The following INTS12 variants were observed in gnomAD, a reference collection of about 807,000 sequenced individuals.
INTS12 encodes the protein PHD finger protein 22.
In INTS12, 13 loss-of-function variants were observed where a neutral mutation model predicts 41.6. The observed-to-expected ratio is 0.31, with a 90% CI of 0.20 to 0.50. The LOEUF (loss-of-function observed/expected upper bound fraction) is 0.50, where lower values mean the gene tolerates loss of function less well. INTS12 is among the 20% of genes least tolerant of loss of function. INTS12 has a pLI of 0.98. For synonymous variants in INTS12, 199 were observed against 191.4 expected, an observed-to-expected ratio of 1.04 and a Z score of -0.33; for missense variants, 432 against 541.6, an observed-to-expected ratio of 0.80 and a Z score of 2.01.
chr4:105,695,472 C>T lies in INTS12; in HGVS notation c.309+44G>A, dbSNP rs200134002. The T allele has an allele frequency of 1.6e-4, 234 of 1,481,576 alleles. 1 individual carries two copies. Among genetic ancestry groups the T allele is most frequent in the Non-Finnish European group, 3.6e-5 (39 of 1,083,848 alleles). The allele number at this position is 1,481,576 out of a possible 1,614,324, so 91.8% of individuals were successfully genotyped here. ...ACATTGTTTCTTTCTGCTTATGGAA[C>T]AACTAATTTACTTTCTTTTAACAAG... is the stretch of plus-strand genomic sequence containing the variant. On this transcript the variant is annotated intron_variant, in intron 4 of 7. Coordinates refer to ENST00000340139, the MANE Select transcript of INTS12 (RefSeq NM_020395.4).
At chr4:105,703,119 A>C in intron 2 of INTS12, 2 of 553,132 alleles carry the variant, frequency 3.6e-6, no homozygotes, top group Non-Finnish European at 4.6e-6. Flanking sequence ...CCATGGCCAA[A>C]ACAGACTGCA....
chr4:105,685,972 GA>G (rs200401019), intron 7 of INTS12, among the ~76,000 whole-genome samples: 3 of 151,544 alleles, frequency 2.0e-5, no homozygotes, highest in Admixed American at 1.3e-4. Flanking sequence ...TAAGAAGGGA[GA>G]AAAAAAAATT....
intron 2 of INTS12, among the ~76,000 whole-genome samples, chr4:105,703,263 G>T (rs1474118947): frequency 2.0e-5 from 3 of 152,144 alleles, no homozygotes; most frequent in Admixed American, 2.0e-4. Context: ...AGTAGATGTT[G>T]CTTTCAAAAA....
intron 7 of INTS12, among the ~76,000 whole-genome samples, chr4:105,684,024 T>C (rs151227498): frequency 6.6e-6 from 1 of 152,296 alleles, no homozygotes; most frequent in Non-Finnish European, 1.5e-5. Flanking sequence ...TGTAAGAGTC[T>C]CCTGCTCCTT....
intron 6 of INTS12, among the ~76,000 whole-genome samples, chr4:105,689,676 G>A (rs1043776591): frequency 1.3e-5 from 2 of 152,100 alleles, no homozygotes; most frequent in Non-Finnish European, 2.9e-5. Context: ...GCCGAGGCAG[G>A]AGGATCACTT....
At chr4:105,708,048 C>T (rs1450977907) in intron 1 of INTS12, 2 of 985,340 alleles carry the variant, frequency 2.0e-6, no homozygotes, top group Non-Finnish European at 2.4e-6. Context: ...CTTTGTTCTT[C>T]ATGACTTCGC....
At chr4:105,707,488 C>T (rs919072929) in intron 1 of INTS12, among the ~76,000 whole-genome samples, 20 of 152,130 alleles carry the variant, frequency 1.3e-4, no homozygotes, top group Non-Finnish European at 2.9e-4. Context: ...GGTCTTATCT[C>T]TCCTTCTACA....
At chr4:105,702,372 G>A (rs1732114723) in intron 2 of INTS12, among the ~76,000 whole-genome samples, 1 of 151,964 alleles carries the variant, frequency 6.6e-6, no homozygotes, top group South Asian at 2.1e-4. Flanking sequence ...TCCTGACCTT[G>A]TGATCCACCC....
intron 6 of INTS12, among the ~76,000 whole-genome samples, chr4:105,687,744 G>A (rs772517536): frequency 1.1e-4 from 16 of 152,258 alleles, no homozygotes; most frequent in East Asian, 1.9e-4. Flanking sequence ...AGGAGTTTGC[G>A]AACAGCCAGA....
chr4:105,703,415 A>G (rs151045255), intron 2 of INTS12, among the ~76,000 whole-genome samples: 1 of 152,322 alleles, frequency 6.6e-6, no homozygotes, highest in South Asian at 2.1e-4. Flanking sequence ...AAAAATCGCC[A>G]TTACTGAACA....
chr4:105,682,909 C>G lies in INTS12; in HGVS notation c.1213G>C (p.Gly405Arg). 1 of 1,614,116 alleles carries G rather than the reference C, an allele frequency of 6.2e-7. No homozygotes were observed. Among genetic ancestry groups the G allele is most frequent in the Non-Finnish European group, 8.5e-7 (1 of 1,179,968 alleles). ...CTAGGTCCTGATGTTCCACTATTTCCATTCCCACTTAGTTGGCTGCTGCTT... is the reference window on the plus strand; with the variant it reads ...CTAGGTCCTGATGTTCCACTATTTCGATTCCCACTTAGTTGGCTGCTGCTT... ...PGSSSQLSGN[G>R]NSGTSGPSGS... is the part of the protein sequence containing the mutation. Residue 405 changes from glycine (G) to arginine (R), a missense_variant, in exon 8 of 8, where the codon GGA (glycine) becomes CGA (arginine). Transcript: ENST00000340139.
At chr4:105,689,990 T>A (rs556441365) in intron 6 of INTS12, among the ~76,000 whole-genome samples, 1 of 152,366 alleles carries the variant, frequency 6.6e-6, no homozygotes, top group South Asian at 2.1e-4. Flanking sequence ...TGAGCTCTGC[T>A]TAAGTGCTAT....
chr4:105,689,978 C>T (rs539683476), intron 6 of INTS12, among the ~76,000 whole-genome samples: 4 of 152,304 alleles, frequency 2.6e-5, no homozygotes, highest in African/African-American at 9.6e-5. Context: ...TGTGTCCAGT[C>T]TTGAGCTCTG....
In INTS12 at chr4:105,699,808, G is replaced by A. The variant is rs199615374; in HGVS notation, c.156+42C>T. 3.0e-4 allele frequency: 411 copies of A among 1,389,838 alleles called. 4 individuals are homozygous for A. The East Asian group carries it at 9.5e-3, about 32-fold the overall frequency. 86.1% of individuals were successfully genotyped at this position (1,389,838 alleles called of 1,614,324 possible). On this transcript the variant is annotated intron_variant, in intron 3 of 7. Coordinates refer to ENST00000340139, the MANE Select transcript of INTS12 (RefSeq NM_020395.4). ...ATATGTTATCAATGTAGTACTACAG[G>A]CCTTACAAAACTCTCTCCAAGCTTT...
At chr4:105,697,513 A>T (rs1731910764) in intron 3 of INTS12, among the ~76,000 whole-genome samples, 1 of 152,216 alleles carries the variant, frequency 6.6e-6, no homozygotes, top group Admixed American at 6.5e-5. Flanking sequence ...ACAACGGGTT[A>T]GCAAACTGAG....
intron 2 of INTS12, among the ~76,000 whole-genome samples, chr4:105,702,304 T>C (rs1237966806): frequency 4.0e-5 from 6 of 151,616 alleles, no homozygotes; most frequent in African/African-American, 1.5e-4. Flanking sequence ...CCCGGCTAAT[T>C]TTTTGTATTT....
chr4:105,708,263 A>G (rs1357071282), intron 1 of INTS12: 2 of 985,360 alleles, frequency 2.0e-6, no homozygotes, highest in Non-Finnish European at 2.4e-6. Flanking sequence ...TGATCAAAGC[A>G]TCACACATCG....
rs1043144062 is a variant in INTS12 at position 105,687,856 on chromosome 4, G to A, written c.658-1018C>T. ...TAATTCCAGCTACTCAGGAGGTTGAGGCAGGAGAATTGCTTGAACCCATTA... is the reference window on the plus strand; with the variant it reads ...TAATTCCAGCTACTCAGGAGGTTGAAGCAGGAGAATTGCTTGAACCCATTA... On this transcript the variant is annotated intron_variant, in intron 6 of 7. Coordinates refer to ENST00000340139, the MANE Select transcript of INTS12 (RefSeq NM_020395.4). 1.1e-4 allele frequency among the ~76,000 whole-genome samples: 16 copies of A among 152,136 alleles called. 1 individual carries two copies. Among genetic ancestry groups the A allele is most frequent in the Admixed American group, 2.0e-4 (3 of 15,272 alleles).
At chr4:105,688,428 C>A (rs2149179080) in intron 6 of INTS12, among the ~76,000 whole-genome samples, 1 of 152,274 alleles carries the variant, frequency 6.6e-6, no homozygotes, top group South Asian at 2.1e-4. Flanking sequence ...GTCCTTAAAT[C>A]TCAATTCGTA....
Sources: gnomAD v4.1 joint callset for allele counts (sites outside exome capture counted in the v4.1 genomes callset) on GRCh38, gnomAD v4.1.1 for gene constraint, MANE v1.5 for transcripts, NCBI Gene and HGNC (gene_info 2026-07-23, HGNC 2026-07-21) for gene names.